Variants in SOX6 observed in about 807,000 individuals in gnomAD.
SOX6 encodes the protein transcription factor SOX-6.
Under a neutral mutation model 97.8 loss-of-function variants are expected in SOX6, and 11 were observed. The observed-to-expected ratio is 0.11, with a 90% CI of 0.07 to 0.19. The LOEUF is 0.19. Among genes scored for constraint, SOX6 ranks in the 10% least tolerant of loss-of-function variants. The probability of loss-of-function intolerance (pLI) is 1.00; values close to 1 mark genes in which losing one functional copy is unlikely to be tolerated. For missense variants in SOX6, 810 were observed against 1,039.5 expected, an observed-to-expected ratio of 0.78 and a Z score of 3.04; for synonymous variants, 360 against 371.4, an observed-to-expected ratio of 0.97 and a Z score of 0.35.
intron 10 of SOX6, among the ~76,000 whole-genome samples, chr11:16,050,173 A>C (rs557110716): frequency 6.6e-6 from 1 of 152,070 alleles, no homozygotes. Context: ...CTTTTTGCCA[A>C]ATTAAAATCT....
At chr11:16,449,362 G>A (rs1859675665) in intron 1 of SOX6, among the ~76,000 whole-genome samples, 1 of 126,592 alleles carries the variant, frequency 7.9e-6, no homozygotes, top group Admixed American at 1.1e-4. Context: ...GAGCCATCTC[G>A]GCTCACTGCA....
chr11:16,368,510 A>G (rs1276071866), intron 1 of SOX6, among the ~76,000 whole-genome samples: 1 of 152,176 alleles, frequency 6.6e-6, no homozygotes, highest in African/African-American at 2.4e-5. Flanking sequence ...AAAAGAATTA[A>G]AAAATGTCTT....
At chr11:16,478,917 T>C (rs1860297607), upstream of SOX6, among the ~76,000 whole-genome samples, 1 of 152,224 alleles carries the variant, frequency 6.6e-6, no homozygotes, top group Admixed American at 6.5e-5. Context: ...AATCTCAATC[T>C]GTTTGGTAAA....
chr11:16,610,047 G>C lies in SOX6; in HGVS notation n.609+2034C>G, dbSNP rs1848379057. On this transcript the variant is annotated intron_variant and non_coding_transcript_variant, in intron 4 of 5. Coordinates refer to the SOX6 transcript ENST00000524520. This position sits in a 1 kb window ranked among gnomAD's most constrained non-coding sequence, Gnocchi z 4.4. ...GGGCCCCTTGACCTCTAAGGCCCAA[G>C]GGGCAAGCTCAGACTGGTGTTTCTA... Among the ~76,000 whole-genome samples, 1 of 152,156 alleles carries C rather than the reference G, an allele frequency of 6.6e-6. No homozygotes were observed. Among genetic ancestry groups the C allele is most frequent in the African/African-American group, 2.4e-5 (1 of 41,428 alleles).
chr11:16,333,982 G>A (rs1279590946), intron 2 of SOX6, among the ~76,000 whole-genome samples: 4 of 152,106 alleles, frequency 2.6e-5, no homozygotes, highest in East Asian at 1.9e-4. Context: ...TTAGGAGAAC[G>A]TTGGCTGACT....
In SOX6 at chr11:16,623,597, C is replaced by T. The variant is rs1047436987; in HGVS notation, n.430-11337G>A. Among the ~76,000 whole-genome samples the T allele has an allele frequency of 8.5e-5, 13 of 152,146 alleles. No homozygotes were observed. In the East Asian group the frequency reaches 1.9e-3, roughly 23 times the overall value. On this transcript the variant is annotated intron_variant and non_coding_transcript_variant, in intron 3 of 5. Coordinates refer to the SOX6 transcript ENST00000524520. Reference sequence around the variant, plus strand: ...CCCATCTATTTATCTTTGTTTTTGTCGCATTTGCTTTTGGTTTCTTGGTCA... The same window carrying T: ...CCCATCTATTTATCTTTGTTTTTGTTGCATTTGCTTTTGGTTTCTTGGTCA...
intron 4 of SOX6, among the ~76,000 whole-genome samples, chr11:16,553,237 GC>G (rs1847709951): frequency 6.6e-6 from 1 of 152,194 alleles, no homozygotes; most frequent in African/African-American, 2.4e-5. Flanking sequence ...AGCAACATTT[GC>G]TTGAACGGTA....
At chr11:16,282,560 T>C (rs1314428262) in intron 3 of SOX6, among the ~76,000 whole-genome samples, 1 of 151,604 alleles carries the variant, frequency 6.6e-6, no homozygotes, top group Non-Finnish European at 1.5e-5. Flanking sequence ...TTTTTAAATT[T>C]TTAAGCCCAG....
At chr11:16,294,964 TC>T (rs1343482775) in intron 3 of SOX6, among the ~76,000 whole-genome samples, 1 of 152,080 alleles carries the variant, frequency 6.6e-6, no homozygotes, top group African/African-American at 2.4e-5. Flanking sequence ...AGCCATTTTT[TC>T]TTAGGTACCC....
intron 12 of SOX6, among the ~76,000 whole-genome samples, chr11:16,025,590 T>C (rs1000217970): frequency 6.6e-6 from 1 of 152,218 alleles, no homozygotes; most frequent in Non-Finnish European, 1.5e-5. Flanking sequence ...TAATGTGTAC[T>C]TTTTAGTATT....
chr11:16,223,484 T>G (rs927009944), intron 4 of SOX6, among the ~76,000 whole-genome samples: 3 of 152,158 alleles, frequency 2.0e-5, no homozygotes, highest in African/African-American at 7.2e-5. Context: ...CTGTCATCTC[T>G]CATTCCACTA....
At chr11:16,368,197 A>G (rs910179312) in intron 1 of SOX6, among the ~76,000 whole-genome samples, 1 of 152,182 alleles carries the variant, frequency 6.6e-6, no homozygotes, top group Non-Finnish European at 1.5e-5. Context: ...CATTGAACAC[A>G]ATAAAACTGC....
chr11:16,343,405 G>A (rs1007384048), intron 1 of SOX6, among the ~76,000 whole-genome samples: 24 of 152,008 alleles, frequency 1.6e-4, no homozygotes, highest in Admixed American at 1.4e-3. Context: ...CCTTCCAATA[G>A]CAATGTCTAT....
chr11:16,351,015 C>T (rs1176257205), intron 1 of SOX6, among the ~76,000 whole-genome samples: 2 of 152,128 alleles, frequency 1.3e-5, no homozygotes, highest in African/African-American at 2.4e-5. Context: ...TTTCTCTATA[C>T]TGTTTTTATC....
At chr11:16,396,314 A>G (rs1277838706) in intron 1 of SOX6, among the ~76,000 whole-genome samples, 2 of 151,716 alleles carry the variant, frequency 1.3e-5, no homozygotes, top group African/African-American at 2.4e-5. Context: ...ATAGGCCAGA[A>G]CATTAGAACT....
At chr11:16,067,541 T>C (rs1052260921) in intron 9 of SOX6, among the ~76,000 whole-genome samples, 9 of 152,128 alleles carry the variant, frequency 5.9e-5, no homozygotes, top group Non-Finnish European at 1.3e-4. Flanking sequence ...GAACTCTGAG[T>C]CCATTAAACC....
At chr11:16,184,539 A>G (rs1388077139) in intron 5 of SOX6, among the ~76,000 whole-genome samples, 1 of 152,140 alleles carries the variant, frequency 6.6e-6, no homozygotes, top group Non-Finnish European at 1.5e-5. Context: ...GTAATTTAAC[A>G]TTTATCCATT....
At chr11:16,493,208 G>A (rs568563061) in intron 4 of SOX6, among the ~76,000 whole-genome samples, 14 of 152,280 alleles carry the variant, frequency 9.2e-5, no homozygotes, top group African/African-American at 3.1e-4. Context: ...ACAGCGGAAT[G>A]GGCAAACTGT....
chr11:15,978,147 C>CT (rs1201517200), intron 15 of SOX6, among the ~76,000 whole-genome samples: 1 of 152,060 alleles, frequency 6.6e-6, no homozygotes, highest in Admixed American at 6.6e-5. Context: ...ATGCTATAAT[C>CT]ACTCATACCA....
Sources: allele counts gnomAD v4.1 joint callset (sites outside exome capture counted in the v4.1 genomes callset), GRCh38; gene constraint gnomAD v4.1.1; non-coding constraint Gnocchi (gnomAD v3.1); transcripts MANE v1.5; gene names NCBI Gene and HGNC (gene_info 2026-07-23, HGNC 2026-07-21).